The following CDK5RAP2 variants were observed in gnomAD, a reference collection of about 807,000 sequenced individuals.
The protein encoded by CDK5RAP2 is CDK5 regulatory subunit associated protein 2.
Under a neutral mutation model 232.9 loss-of-function variants are expected in CDK5RAP2, and 147 were observed. The ratio of observed to expected loss-of-function variants is 0.63; its 90% CI spans 0.55 to 0.72. The LOEUF (loss-of-function observed/expected upper bound fraction) is 0.72, where lower values mean the gene tolerates loss of function less well. Among genes scored for constraint, CDK5RAP2 ranks in the 30% least tolerant of loss-of-function variants. The pLI, the probability that CDK5RAP2 is intolerant of heterozygous loss-of-function variation, is 0.00. For synonymous variants in CDK5RAP2, 833 were observed against 833.7 expected (o/e 1.00, Z 0.01); for missense variants, 2,195 against 2,231.5 (o/e 0.98, Z 0.33).
At chr9:120,502,310 T>A (rs935798254) in intron 12 of CDK5RAP2, among the ~76,000 whole-genome samples, 5 of 152,240 alleles carry the variant, frequency 3.3e-5, no homozygotes, top group African/African-American at 4.8e-5. Flanking sequence ...TGTTCACGTA[T>A]CATGCTGAGT....
rs909360613 is a variant in CDK5RAP2, at chr9:120,431,232, C to T, written c.3955+6063G>A. ...ACATATGTAACTAACCTGCACATTG[C>T]GCACATGTACCCTAAAACTTAAAGT... On this transcript the variant is annotated intron_variant, in intron 25 of 37. Coordinates refer to ENST00000349780, the MANE Select transcript of CDK5RAP2 (RefSeq NM_018249.6). 5.3e-5 allele frequency among the ~76,000 whole-genome samples: 8 copies of T among 151,962 alleles called. No homozygotes were observed. The South Asian group carries it at 6.2e-4, about 12-fold the overall frequency.
At chr9:120,467,539 G>A (rs148283924) in intron 18 of CDK5RAP2, among the ~76,000 whole-genome samples, 4 of 151,984 alleles carry the variant, frequency 2.6e-5, no homozygotes, top group Admixed American at 6.5e-5. Context: ...AAAACCTTTC[G>A]GGTTGTTATA....
intron 12 of CDK5RAP2, among the ~76,000 whole-genome samples, chr9:120,513,266 A>G (rs2040176367): frequency 6.6e-6 from 1 of 152,190 alleles, no homozygotes; most frequent in Admixed American, 6.5e-5. Context: ...GCTTTCCCTC[A>G]GCAATCCATC....
At position 120,575,162 on chromosome 9, in the gene CDK5RAP2, G is replaced by A. The variant is rs537478049; in HGVS notation, c.60-3121C>T. On this transcript the variant is annotated intron_variant, in intron 1 of 37. Transcript: ENST00000349780. The stretch of plus-strand genomic sequence containing the variant: ...CACCTTCCATATTCAAGCGATTCTC[G>A]TGCCTCAGCCTCCCAAGTAGCTAGG... Among the ~76,000 whole-genome samples the A allele has an allele frequency of 1.4e-3, 207 of 152,014 alleles. 2 individuals are homozygous for A. The highest frequency in any genetic ancestry group is 4.9e-3 in the African/African-American group (204 of 41,438).
chr9:120,448,161 TG>T (rs1364935261), intron 21 of CDK5RAP2, 35 bp from the exon 22 acceptor site: 2 of 1,494,472 alleles, frequency 1.3e-6, no homozygotes, highest in South Asian at 2.3e-5. Context: ...GAATACACTT[TG>T]AACACACTTC....
chr9:120,553,685 T>C (rs574700032), intron 3 of CDK5RAP2, among the ~76,000 whole-genome samples: 2 of 152,364 alleles, frequency 1.3e-5, no homozygotes, highest in Non-Finnish European at 1.5e-5. Context: ...ATGCTCCTTT[T>C]TTGATAATTC....
intron 28 of CDK5RAP2, among the ~76,000 whole-genome samples, chr9:120,413,827 GGGAGGAGGGA>G (rs1482520370): frequency 2.7e-5 from 4 of 145,928 alleles, no homozygotes; most frequent in African/African-American, 1.0e-4. Flanking sequence ...GGAGGGAGGA[GGGAGGAGGGA>G]GGAGGGAAGG....
chr9:120,525,118 G>A, intron 10 of CDK5RAP2, 40 bp from the exon 11 acceptor site: 3 of 1,466,668 alleles, frequency 2.0e-6, no homozygotes, highest in Middle Eastern at 1.7e-4. Context: ...TATGTAACTG[G>A]GCTCTCCTCT....
chr9:120,507,605 T>C (rs2039872672), intron 12 of CDK5RAP2, among the ~76,000 whole-genome samples: 1 of 152,044 alleles, frequency 6.6e-6, no homozygotes, highest in South Asian at 2.1e-4. Flanking sequence ...AAAATTATAT[T>C]TTATTTCAAT....
At chr9:120,510,582 C>A (rs2040032675) in intron 12 of CDK5RAP2, among the ~76,000 whole-genome samples, 1 of 152,186 alleles carries the variant, frequency 6.6e-6, no homozygotes, top group Non-Finnish European at 1.5e-5. Context: ...TGCACACTCA[C>A]ACACACTAAA....
At chr9:120,471,048 AG>A (rs1326549658) in intron 16 of CDK5RAP2, among the ~76,000 whole-genome samples, 1 of 152,220 alleles carries the variant, frequency 6.6e-6, no homozygotes, top group African/African-American at 2.4e-5. Flanking sequence ...GATGACTGTG[AG>A]GATCACAGGT....
At chr9:120,411,264 A>G (rs2033827591) in intron 29 of CDK5RAP2, 94 bp downstream of exon 29, 2 of 800,970 alleles carry the variant, frequency 2.5e-6, no homozygotes, top group African/African-American at 3.4e-5. Flanking sequence ...CACAGGATTC[A>G]TACTTAGGTT....
intron 21 of CDK5RAP2, among the ~76,000 whole-genome samples, chr9:120,448,500 C>T (rs2036316685): frequency 1.3e-5 from 2 of 152,218 alleles, no homozygotes; most frequent in African/African-American, 2.4e-5. Context: ...GGCCTATCAA[C>T]CCCTGCTAGT....
At chr9:120,574,406 G>C (rs1399508252) in intron 1 of CDK5RAP2, among the ~76,000 whole-genome samples, 1 of 152,146 alleles carries the variant, frequency 6.6e-6, no homozygotes, top group Non-Finnish European at 1.5e-5. Context: ...CAAAACAAAA[G>C]GGCTCAGATA....
At chr9:120,549,169 A>G (rs1452103748) in intron 4 of CDK5RAP2, among the ~76,000 whole-genome samples, 3 of 152,152 alleles carry the variant, frequency 2.0e-5, no homozygotes, top group African/African-American at 4.8e-5. Context: ...AAAAAAAAAA[A>G]AAAGAGACAG....
At chr9:120,522,792 G>GC (rs776722578) in intron 11 of CDK5RAP2, among the ~76,000 whole-genome samples, 6 of 152,228 alleles carry the variant, frequency 3.9e-5, no homozygotes, top group Non-Finnish European at 5.9e-5. Context: ...CAGGCTTGAT[G>GC]CCAACCCTGT....
chr9:120,440,777 C>G (rs3739825), intron 23 of CDK5RAP2, among the ~76,000 whole-genome samples: 14,829 of 152,170 alleles, frequency 0.097, 1,610 homozygotes, highest in African/African-American at 0.27. Context: ...GACCAGAAGT[C>G]AGTGCCAGTG....
intron 25 of CDK5RAP2, among the ~76,000 whole-genome samples, chr9:120,427,684 T>A (rs530985227): frequency 3.3e-5 from 5 of 152,358 alleles, no homozygotes; most frequent in African/African-American, 9.6e-5. Context: ...ATTTCTCTAA[T>A]TTCTCTAAGT....
At chr9:120,438,092 C>G (rs949080384) in intron 24 of CDK5RAP2, among the ~76,000 whole-genome samples, 1 of 152,198 alleles carries the variant, frequency 6.6e-6, no homozygotes, top group African/African-American at 2.4e-5. Context: ...GAAGAATAAA[C>G]TGACTGCAAA....
Sources: gnomAD v4.1 joint callset for allele counts (sites outside exome capture counted in the v4.1 genomes callset) on GRCh38, gnomAD v4.1.1 for gene constraint, MANE v1.5 for transcripts, NCBI Gene and HGNC (gene_info 2026-07-23, HGNC 2026-07-21) for gene names.